RPS6KA6: variants seen among roughly 807,000 people sequenced by gnomAD.
RPS6KA6 encodes ribosomal protein S6 kinase alpha-6.
A neutral mutation model predicts 65.4 loss-of-function variants in RPS6KA6; 27 were observed. The observed-to-expected ratio is 0.41, with a 90% CI of 0.30 to 0.57. The LOEUF is 0.57. RPS6KA6 is among the 20% of genes least tolerant of loss of function. The probability of loss-of-function intolerance (pLI) is 0.24; values close to 1 mark genes in which losing one functional copy is unlikely to be tolerated. For missense variants in RPS6KA6, 486 were observed against 555.6 expected (o/e 0.87, Z 1.26); for synonymous variants, 190 against 184.2 (o/e 1.03, Z -0.26).
At position 84,187,936 on chromosome X, in the gene RPS6KA6, T is replaced by C; in HGVS notation, c.-37A>G. The C allele has an allele frequency of 8.9e-7, 1 of 1,120,080 alleles. No individual in the cohort carries two copies. The allele number at this position is 1,120,080 out of a possible 1,213,427, so 92.3% of individuals were successfully genotyped here. On this transcript the variant is annotated 5_prime_UTR_variant, in exon 1 of 22. Coordinates refer to ENST00000262752, the MANE Select transcript of RPS6KA6 (RefSeq NM_014496.5). ...GAGCACTCAAACAGGAGCTGCCGCC[T>C]ACCGCTGGCGCGGCCGCGCATCCTG...
intron 20 of RPS6KA6, among the ~76,000 whole-genome samples, chrX:84,080,136 C>T (rs967434532): frequency 9.3e-6 from 1 of 107,804 alleles, no homozygotes; most frequent in Non-Finnish European, 1.9e-5. Context: ...TGGCTGGCAT[C>T]TGGCAGGTGC....
At chrX:84,159,596 A>T (rs1223951317) in intron 2 of RPS6KA6, among the ~76,000 whole-genome samples, 2 of 111,216 alleles carry the variant, frequency 1.8e-5, no homozygotes, top group Non-Finnish European at 3.8e-5. Context: ...GGGGATACAG[A>T]AATAAACTGT....
intron 1 of RPS6KA6, among the ~76,000 whole-genome samples, chrX:84,165,914 T>C (rs1007287726): frequency 9.0e-6 from 1 of 111,365 alleles, no homozygotes; most frequent in Non-Finnish European, 1.9e-5. Flanking sequence ...AAAGGGCCCA[T>C]GGGAATTGAA....
rs181531346 is a variant in RPS6KA6, at chrX:84,071,643, A to G, written c.1972-6532T>C. Reference sequence around the variant, plus strand: ...AACAAAATAGAGAATAAAAAAAATGATAAATGAAAAAGAGTTGGTTTTATG... The same window carrying G: ...AACAAAATAGAGAATAAAAAAAATGGTAAATGAAAAAGAGTTGGTTTTATG... On this transcript the variant is annotated intron_variant, in intron 20 of 21. Coordinates refer to ENST00000262752, the MANE Select transcript of RPS6KA6 (RefSeq NM_014496.5). Among the ~76,000 whole-genome samples, 271 of 111,778 alleles carry G rather than the reference A, an allele frequency of 2.4e-3. 2 individuals are homozygous for G. The highest frequency in any genetic ancestry group is 9.4e-3 in the Middle Eastern group (2 of 212).
chrX:84,075,013 T>C (rs948465991), intron 20 of RPS6KA6, among the ~76,000 whole-genome samples: 3 of 111,727 alleles, frequency 2.7e-5, no homozygotes, highest in African/African-American at 9.8e-5. Context: ...GGCGGGTGGA[T>C]CATGAGGTCA....
intron 1 of RPS6KA6, among the ~76,000 whole-genome samples, chrX:84,169,026 G>C (rs762881382): frequency 2.1e-4 from 23 of 111,226 alleles, no homozygotes; most frequent in Non-Finnish European, 3.8e-4. Context: ...GAATTCTCTG[G>C]GATAATAAAT....
At chrX:84,173,941 C>T (rs2035724589) in intron 1 of RPS6KA6, among the ~76,000 whole-genome samples, 1 of 112,092 alleles carries the variant, frequency 8.9e-6, no homozygotes, top group African/African-American at 3.2e-5. Flanking sequence ...AAGGTATATA[C>T]ATACTCATGA....
chrX:84,137,817 C>T (rs779435167), intron 6 of RPS6KA6, among the ~76,000 whole-genome samples: 6 of 111,964 alleles, frequency 5.4e-5, no homozygotes, highest in African/African-American at 1.9e-4. Context: ...GTACAAGTCA[C>T]TTAAATGTTA....
intron 1 of RPS6KA6, among the ~76,000 whole-genome samples, chrX:84,184,938 ACAT>A (rs1276600871): frequency 2.7e-5 from 3 of 111,000 alleles, no homozygotes; most frequent in East Asian, 5.6e-4. Context: ...TGTGAAAATT[ACAT>A]CATCAACTTG....
chrX:84,105,991 C>T, intron 15 of RPS6KA6, 115 bp from the exon 16 acceptor site: 7 of 411,590 alleles, frequency 1.7e-5, no homozygotes, highest in Non-Finnish European at 1.7e-5. Flanking sequence ...AAGAACAATA[C>T]TTACCTCATA....
At chrX:84,114,596 T>TA (rs1394372216) in intron 12 of RPS6KA6, among the ~76,000 whole-genome samples, 1 of 111,190 alleles carries the variant, frequency 9.0e-6, no homozygotes. Flanking sequence ...TTCAGAGAAT[T>TA]AGAAATAACA....
At chrX:84,160,822 G>A (rs1002972674) in intron 2 of RPS6KA6, among the ~76,000 whole-genome samples, 38 of 111,041 alleles carry the variant, frequency 3.4e-4, no homozygotes, top group African/African-American at 1.0e-3. Context: ...AAAGCTAAGC[G>A]TAATACCAAT....
chrX:84,066,700 T>C (rs982165589), intron 20 of RPS6KA6, among the ~76,000 whole-genome samples: 17 of 111,411 alleles, frequency 1.5e-4, no homozygotes, highest in Non-Finnish European at 2.8e-4. Flanking sequence ...AGACTTAAAC[T>C]TTCCTGCCCG....
intron 6 of RPS6KA6, among the ~76,000 whole-genome samples, chrX:84,139,345 T>C (rs982248855): frequency 8.9e-6 from 1 of 112,408 alleles, no homozygotes; most frequent in African/African-American, 3.2e-5. Context: ...TATTATACTG[T>C]TGTCCTTCTA....
At position 84,064,348 on chromosome X, in the gene RPS6KA6, G is replaced by A; in HGVS notation, c.2167C>T (p.Leu723=). The change falls in exon 22 of 22, where the codon CTA becomes TTA. Residue 723 remains leucine (L), a synonymous_variant. Transcript: ENST00000262752. ...ALTHKTFQPV[L]EPVAASSLAQ... ...AAGCTTGAAGCAGCTACAGGCTCTA[G>A]GACTGGTTGAAAGGTCTTGTGAGTC... The A allele has an allele frequency of 8.3e-7, 1 of 1,208,313 alleles. No individual in the cohort carries two copies. Among genetic ancestry groups the A allele is most frequent in the Non-Finnish European group, 1.1e-6 (1 of 893,820 alleles).
At chrX:84,065,157 T>C in intron 20 of RPS6KA6, 46 bp from the exon 21 acceptor site, 8 of 873,570 alleles carry the variant, frequency 9.2e-6, no homozygotes, top group Non-Finnish European at 1.3e-5. Context: ...CATGTATACA[T>C]ACATAATTTT....
At chrX:84,123,009 T>C (rs958287986) in intron 8 of RPS6KA6, among the ~76,000 whole-genome samples, 1 of 111,714 alleles carries the variant, frequency 9.0e-6, no homozygotes, top group Non-Finnish European at 1.9e-5. Flanking sequence ...AGCTCAGCCA[T>C]AGTAGGACAG....
At chrX:84,178,311 A>G (rs1321009674) in intron 1 of RPS6KA6, among the ~76,000 whole-genome samples, 1 of 111,422 alleles carries the variant, frequency 9.0e-6, no homozygotes, top group Admixed American at 9.6e-5. Flanking sequence ...AATATGGGGG[A>G]GGAGATAAGC....
At chrX:84,123,607 GGA>G (rs2034719613) in intron 8 of RPS6KA6, among the ~76,000 whole-genome samples, 1 of 112,362 alleles carries the variant, frequency 8.9e-6, no homozygotes, top group African/African-American at 3.2e-5. Context: ...TTCTCCCTGT[GGA>G]GAGGGGAGGG....
Sources: allele counts gnomAD v4.1 joint callset (sites outside exome capture counted in the v4.1 genomes callset), GRCh38; gene constraint gnomAD v4.1.1; transcripts MANE v1.5; gene names NCBI Gene and HGNC (gene_info 2026-07-23, HGNC 2026-07-21).